LRMDA: variants seen among roughly 807,000 people sequenced by gnomAD.
LRMDA encodes the protein leucine rich melanocyte differentiation associated, also known as leucine-rich melanocyte differentiation-associated protein.
Under a neutral mutation model 29.8 loss-of-function variants are expected in LRMDA, and 18 were observed. The observed-to-expected ratio is 0.60, with a 90% CI of 0.42 to 0.90. The LOEUF (loss-of-function observed/expected upper bound fraction) is 0.90, where lower values mean the gene tolerates loss of function less well. LRMDA is among the 40% of genes least tolerant of loss of function. The pLI is 0.00. For missense variants in LRMDA, 273 were observed against 273.9 expected (o/e 1.00, Z 0.02); for synonymous variants, 125 against 109.4 (o/e 1.14, Z -0.89).
At chr10:75,877,048 T>C (rs774071853) in intron 2 of LRMDA, among the ~76,000 whole-genome samples, 10 of 152,212 alleles carry the variant, frequency 6.6e-5, no homozygotes, top group African/African-American at 2.4e-4. Context: ...GATTGTTGTC[T>C]GTATATGGCT....
chr10:76,221,966 G>T (rs201974121), intron 5 of LRMDA, among the ~76,000 whole-genome samples: 27 of 149,994 alleles, frequency 1.8e-4, no homozygotes, highest in African/African-American at 5.7e-4. Flanking sequence ...ATAACGCCAC[G>T]TATCTACAAC....
intron 6 of LRMDA, among the ~76,000 whole-genome samples, chr10:76,407,785 G>T (rs1841917613): frequency 6.6e-6 from 1 of 152,230 alleles, no homozygotes. Context: ...ACTTCATATA[G>T]GTAGGGCAAT....
intron 5 of LRMDA, among the ~76,000 whole-genome samples, chr10:76,279,051 A>T (rs1840170325): frequency 6.6e-6 from 1 of 152,206 alleles, no homozygotes; most frequent in Non-Finnish European, 1.5e-5. Flanking sequence ...AGGAATAATG[A>T]CTGACTCAGA....
chr10:76,242,027 C>T lies in LRMDA; in HGVS notation c.517-82374C>T, dbSNP rs547717027. ...ATTGTAATAATTTTTTTTTAAGAGACAGAGTATTGTTATGTTGCCCAGGCT... is the reference window on the plus strand; with the variant it reads ...ATTGTAATAATTTTTTTTTAAGAGATAGAGTATTGTTATGTTGCCCAGGCT... On this transcript the variant is annotated intron_variant, in intron 5 of 6. Coordinates refer to ENST00000611255, the MANE Select transcript of LRMDA (RefSeq NM_001305581.2). The T allele has an allele frequency of 1.6e-4, 25 of 152,124 alleles. No individual in the cohort carries two copies. In the East Asian group the frequency reaches 4.4e-3, roughly 27 times the overall value. 9.4% of individuals were successfully genotyped at this position (152,124 alleles called of 1,614,324 possible).
At chr10:76,271,038 A>G (rs182747225) in intron 5 of LRMDA, among the ~76,000 whole-genome samples, 148 of 152,340 alleles carry the variant, frequency 9.7e-4, no homozygotes, top group African/African-American at 3.4e-3. Context: ...TCCTTTGCCT[A>G]AATGCTAAAC....
At chr10:76,047,429 A>G (rs1440218555) in intron 4 of LRMDA, 126 bp downstream of exon 4, 1 of 1,000,910 alleles carries the variant, frequency 1.0e-6, no homozygotes, top group Non-Finnish European at 1.4e-6. Context: ...TGACAATGTT[A>G]AACTTTTACC....
chr10:75,473,935 T>C (rs952074548), intron 2 of LRMDA, among the ~76,000 whole-genome samples: 1 of 152,290 alleles, frequency 6.6e-6, no homozygotes, highest in South Asian at 2.1e-4. Context: ...CTCTATCCTA[T>C]TGAGTATCAA....
At chr10:76,263,343 A>C (rs1410162254) in intron 5 of LRMDA, among the ~76,000 whole-genome samples, 1 of 152,050 alleles carries the variant, frequency 6.6e-6, no homozygotes, top group East Asian at 1.9e-4. Context: ...AAAACTTTTT[A>C]TCAGTTTACA....
chr10:75,702,237 T>C (rs890312461), intron 2 of LRMDA, among the ~76,000 whole-genome samples: 3 of 152,246 alleles, frequency 2.0e-5, no homozygotes, highest in African/African-American at 7.2e-5. Context: ...ATTCAGTTTC[T>C]GTTGGCCCTG....
At chr10:75,924,809 G>A (rs571741219) in intron 2 of LRMDA, among the ~76,000 whole-genome samples, 45 of 152,232 alleles carry the variant, frequency 3.0e-4, no homozygotes, top group African/African-American at 9.4e-4. Context: ...GGGAGGCTTC[G>A]TATGTGGGTT....
intron 6 of LRMDA, among the ~76,000 whole-genome samples, chr10:76,336,534 G>C (rs1337422770): frequency 6.6e-6 from 1 of 152,188 alleles, no homozygotes; most frequent in Non-Finnish European, 1.5e-5. Flanking sequence ...CAAACTCTGT[G>C]TGCTGTTCCA....
chr10:75,710,725 A>G (rs1330938585), intron 2 of LRMDA, among the ~76,000 whole-genome samples: 1 of 152,256 alleles, frequency 6.6e-6, no homozygotes, highest in East Asian at 1.9e-4. Flanking sequence ...TGTGTGGCCA[A>G]GGAGTGGTGT....
chr10:75,836,251 A>G (rs1229650663), intron 2 of LRMDA, among the ~76,000 whole-genome samples: 1 of 152,182 alleles, frequency 6.6e-6, no homozygotes, highest in Non-Finnish European at 1.5e-5. Context: ...AGCTGCACAG[A>G]AGGCTGCTGC....
chr10:76,046,424 C>T (rs967820978), intron 3 of LRMDA, among the ~76,000 whole-genome samples: 1 of 152,176 alleles, frequency 6.6e-6, no homozygotes, highest in Non-Finnish European at 1.5e-5. Flanking sequence ...CTAATTCCCT[C>T]ACTAACAGAG....
chr10:75,714,446 C>T (rs186703257), intron 2 of LRMDA, among the ~76,000 whole-genome samples: 3 of 152,244 alleles, frequency 2.0e-5, no homozygotes, highest in Non-Finnish European at 2.9e-5. Context: ...ATATTAATCC[C>T]GGTATTGAGT....
intron 6 of LRMDA, among the ~76,000 whole-genome samples, chr10:76,537,198 G>T (rs548295043): frequency 6.6e-6 from 1 of 152,244 alleles, no homozygotes; most frequent in Admixed American, 6.5e-5. Flanking sequence ...GGCTTACTGT[G>T]TACATTCCCT....
chr10:76,192,852 T>C (rs1203804062), intron 5 of LRMDA, among the ~76,000 whole-genome samples: 1 of 152,196 alleles, frequency 6.6e-6, no homozygotes, highest in Non-Finnish European at 1.5e-5. Flanking sequence ...AGCTCAGACT[T>C]GCACTGCTCC....
At chr10:75,961,783 A>G (rs572041071) in intron 2 of LRMDA, among the ~76,000 whole-genome samples, 12 of 152,332 alleles carry the variant, frequency 7.9e-5, no homozygotes, top group Admixed American at 2.0e-4. Flanking sequence ...CACGTTGGAT[A>G]GCTTGAACAA....
In LRMDA at chr10:76,474,686, T is replaced by C. The variant is rs963479129; in HGVS notation, c.602-82523T>C. 1.1e-4 allele frequency among the ~76,000 whole-genome samples: 17 copies of C among 151,556 alleles called. No individual in the cohort carries two copies. The Admixed American group carries it at 1.1e-3, about 10-fold the overall frequency. On this transcript the variant is annotated intron_variant, in intron 6 of 6. Transcript: ENST00000611255. Reference sequence around the variant, plus strand: ...AAAATCACAGAAATATCACTTCACATCCACTAGAATGGCTATAATCAAAAA... The same window carrying C: ...AAAATCACAGAAATATCACTTCACACCCACTAGAATGGCTATAATCAAAAA...
Sources: gnomAD v4.1 joint callset for allele counts (sites outside exome capture counted in the v4.1 genomes callset) on GRCh38, gnomAD v4.1.1 for gene constraint, MANE v1.5 for transcripts, NCBI Gene and HGNC (gene_info 2026-07-23, HGNC 2026-07-21) for gene names.